The following DCUN1D3 variants were observed in gnomAD, a reference collection of about 807,000 sequenced individuals.
DCUN1D3 encodes the protein DCN1-like protein 3.
Under a neutral mutation model 24.8 loss-of-function variants are expected in DCUN1D3, and 6 were observed. That is an observed-to-expected ratio of 0.24 (90% CI 0.13 to 0.48). The LOEUF is 0.48. Among genes scored for constraint, DCUN1D3 ranks in the 20% least tolerant of loss-of-function variants. The pLI is 0.99. For synonymous variants in DCUN1D3, 120 were observed against 144.9 expected, an observed-to-expected ratio of 0.83 and a Z score of 1.24; for missense variants, 258 against 379.4, an observed-to-expected ratio of 0.68 and a Z score of 2.66.
intron 1 of DCUN1D3, among the ~76,000 whole-genome samples, chr16:20,875,858 A>G (rs1327478357): frequency 6.6e-6 from 1 of 152,252 alleles, no homozygotes; most frequent in Admixed American, 6.5e-5. Flanking sequence ...AGAATGGGAA[A>G]AAAAATCTGC....
intron 1 of DCUN1D3, among the ~76,000 whole-genome samples, chr16:20,887,797 G>A (rs1489127141): frequency 6.6e-6 from 1 of 152,214 alleles, no homozygotes; most frequent in African/African-American, 2.4e-5. Flanking sequence ...AAAGTCTAAT[G>A]TGGTTTTGCC....
At chr16:20,884,809 T>C (rs551331893) in intron 1 of DCUN1D3, among the ~76,000 whole-genome samples, 5 of 152,308 alleles carry the variant, frequency 3.3e-5, no homozygotes, top group Non-Finnish European at 7.4e-5. Flanking sequence ...TTTCTCATTA[T>C]GAAGTCATGT....
intron 1 of DCUN1D3, among the ~76,000 whole-genome samples, chr16:20,891,540 A>G (rs2152518957): frequency 6.6e-6 from 1 of 152,316 alleles, no homozygotes; most frequent in South Asian, 2.1e-4. Context: ...AGCAGTCTGT[A>G]AAGATGACTG....
Position 20,855,306 on chromosome 16 carries a change from G to GT in DCUN1D3, c.*4579dup, listed in dbSNP as rs1290788158. ...CTAGTCATATTCATTAGTGCAACAG[G>GT]TAAGAGCAATTAAGCACAGACGGAG... On this transcript the variant is annotated 3_prime_UTR_variant, in exon 3 of 3. Coordinates refer to ENST00000324344, the MANE Select transcript of DCUN1D3 (RefSeq NM_173475.4). 1 of 152,278 alleles carries GT rather than the reference G, an allele frequency of 6.6e-6. No homozygotes were observed. Among genetic ancestry groups the GT allele is most frequent in the African/African-American group, 2.4e-5 (1 of 41,460 alleles). The allele number at this position is 152,278 out of a possible 1,614,324, so 9.4% of individuals were successfully genotyped here. A position where few individuals can be genotyped will look rare whatever the true frequency, so the allele number is the denominator to read the frequency against.
intron 1 of DCUN1D3, among the ~76,000 whole-genome samples, chr16:20,880,417 T>C (rs1299404562): frequency 6.6e-6 from 1 of 151,772 alleles, no homozygotes; most frequent in Non-Finnish European, 1.5e-5. Context: ...TTGGGCAACA[T>C]AGGGAGACCC....
chr16:20,862,627 C>T lies in DCUN1D3; in HGVS notation c.-89G>A. The T allele has an allele frequency of 6.6e-7, 1 of 1,519,568 alleles. No homozygotes were observed. The highest frequency in any genetic ancestry group is 8.7e-7 in the Non-Finnish European group (1 of 1,144,640). The allele number at this position is 1,519,568 out of a possible 1,614,324, so 94.1% of individuals were successfully genotyped here. ...CCATGTACCTCAACATGCCATCAGC[C>T]AGAGGAGCCAGCCAACCTGGAAGGA... On this transcript the variant is annotated 5_prime_UTR_variant, in exon 2 of 3. Coordinates refer to ENST00000324344, the MANE Select transcript of DCUN1D3 (RefSeq NM_173475.4).
At chr16:20,891,335 G>A (rs2081891484) in intron 1 of DCUN1D3, among the ~76,000 whole-genome samples, 2 of 152,080 alleles carry the variant, frequency 1.3e-5, no homozygotes, top group Non-Finnish European at 2.9e-5. Context: ...TCCCACAAGA[G>A]AATCATTAAT....
intron 1 of DCUN1D3, among the ~76,000 whole-genome samples, chr16:20,863,249 G>C (rs1219508990): frequency 2.0e-5 from 3 of 152,208 alleles, no homozygotes; most frequent in African/African-American, 7.2e-5. Flanking sequence ...AAATGCCCTT[G>C]CTTTGCCCTA....
At position 20,883,523 on chromosome 16, in the gene DCUN1D3, A is replaced by AT. The variant is rs1413416921; in HGVS notation, c.-106+16680dup. On this transcript the variant is annotated intron_variant, in intron 1 of 2. Transcript: ENST00000324344. ...GCGCAACTCCATCTCAAAAAAAAAAATTTTTGTTCTGTTAAACTGCTATCA... is the reference window on the plus strand; with the variant it reads ...GCGCAACTCCATCTCAAAAAAAAAAATTTTTTGTTCTGTTAAACTGCTATCA... Among the ~76,000 whole-genome samples, 8 of 152,164 alleles carry AT rather than the reference A, an allele frequency of 5.3e-5. No individual in the cohort carries two copies. The South Asian group carries it at 6.2e-4, about 12-fold the overall frequency.
chr16:20,895,216 AC>A (rs1335734236), intron 1 of DCUN1D3, among the ~76,000 whole-genome samples: 4 of 151,928 alleles, frequency 2.6e-5, no homozygotes, highest in African/African-American at 9.7e-5. Context: ...TGCCTTAGCC[AC>A]CCCAGTAGCT....
intron 1 of DCUN1D3, among the ~76,000 whole-genome samples, chr16:20,876,261 C>T (rs898696740): frequency 2.0e-5 from 3 of 152,040 alleles, no homozygotes; most frequent in Non-Finnish European, 4.4e-5. Context: ...GCCACTGTGC[C>T]CGACTCTAAT....
At chr16:20,876,916 A>T (rs1046793488) in intron 1 of DCUN1D3, among the ~76,000 whole-genome samples, 1 of 152,196 alleles carries the variant, frequency 6.6e-6, no homozygotes, top group African/African-American at 2.4e-5. Flanking sequence ...GAAGAGAGAG[A>T]CAGTTATCTT....
chr16:20,885,332 G>C (rs2081863787), intron 1 of DCUN1D3, among the ~76,000 whole-genome samples: 2 of 151,982 alleles, frequency 1.3e-5, no homozygotes, highest in Non-Finnish European at 2.9e-5. Context: ...GGACCTATCA[G>C]ACTTGGATCC....
chr16:20,876,167 A>G (rs888894467), intron 1 of DCUN1D3, among the ~76,000 whole-genome samples: 2 of 152,020 alleles, frequency 1.3e-5, no homozygotes, highest in African/African-American at 4.8e-5. Flanking sequence ...GTGTTTCACC[A>G]TGTTGGCCAG....
chr16:20,876,729 A>G (rs2081817580), intron 1 of DCUN1D3, among the ~76,000 whole-genome samples: 1 of 152,254 alleles, frequency 6.6e-6, no homozygotes, highest in African/African-American at 2.4e-5. Context: ...GAATGGATAA[A>G]GAAAATGTGG....
At chr16:20,894,169 T>C (rs763851820) in intron 1 of DCUN1D3, among the ~76,000 whole-genome samples, 1 of 152,146 alleles carries the variant, frequency 6.6e-6, no homozygotes, top group Non-Finnish European at 1.5e-5. Flanking sequence ...TCAGGAGGGC[T>C]GAGACAGGAG....
intron 1 of DCUN1D3, among the ~76,000 whole-genome samples, chr16:20,867,469 G>C (rs2081768159): frequency 6.6e-6 from 1 of 152,216 alleles, no homozygotes. Context: ...CTAAACGTGT[G>C]ACGTTTTTGT....
chr16:20,871,670 T>G (rs181911790), intron 1 of DCUN1D3, among the ~76,000 whole-genome samples: 70 of 152,302 alleles, frequency 4.6e-4, no homozygotes, highest in African/African-American at 1.6e-3. Flanking sequence ...TACCAAATAA[T>G]GAACCATTTT....
At chr16:20,892,933 T>C (rs2152519108) in intron 1 of DCUN1D3, among the ~76,000 whole-genome samples, 1 of 152,310 alleles carries the variant, frequency 6.6e-6, no homozygotes, top group South Asian at 2.1e-4. Flanking sequence ...GCTTCACATA[T>C]GCTTCACTAT....
Sources: gnomAD v4.1 joint callset for allele counts (sites outside exome capture counted in the v4.1 genomes callset) on GRCh38, gnomAD v4.1.1 for gene constraint, MANE v1.5 for transcripts, NCBI Gene and HGNC (gene_info 2026-07-23, HGNC 2026-07-21) for gene names.